Variants in FAT3 observed in about 807,000 individuals in gnomAD.
FAT3 encodes the protein FAT atypical cadherin 3, also known as protocadherin Fat 3.
A neutral mutation model predicts 310.2 loss-of-function variants in FAT3; 95 were observed. The observed-to-expected ratio is 0.31, with a 90% confidence interval of 0.26 to 0.36. FAT3 has a LOEUF of 0.36. Ranked by LOEUF, FAT3 falls within the 10% of genes least tolerant of loss-of-function variation. The pLI, the probability that FAT3 is intolerant of heterozygous loss-of-function variation, is 1.00. For synonymous variants in FAT3, 2,314 were observed against 2,192.9 expected (o/e 1.06, Z -1.54); for missense variants, 5,408 against 5,715.6 (o/e 0.95, Z 1.74).
At chr11:92,276,139 T>C (rs1351050697) in intron 1 of FAT3, among the ~76,000 whole-genome samples, 4 of 152,152 alleles carry the variant, frequency 2.6e-5, no homozygotes, top group African/African-American at 9.7e-5. Context: ...CAAAATATTT[T>C]CTTTAGCACA....
intron 3 of FAT3, among the ~76,000 whole-genome samples, chr11:92,604,028 G>A (rs1940158306): frequency 6.6e-6 from 1 of 152,166 alleles, no homozygotes; most frequent in Non-Finnish European, 1.5e-5. Flanking sequence ...CACCAACACA[G>A]CTTTCATTTG....
intron 2 of FAT3, among the ~76,000 whole-genome samples, chr11:92,397,776 G>A (rs1321054131): frequency 6.9e-6 from 1 of 145,010 alleles, no homozygotes; most frequent in Non-Finnish European, 1.5e-5. Flanking sequence ...TTTTTTGCCT[G>A]CCTTCTGTCT....
intron 2 of FAT3, among the ~76,000 whole-genome samples, chr11:92,501,189 A>T (rs892160704): frequency 1.3e-5 from 2 of 151,998 alleles, no homozygotes; most frequent in African/African-American, 4.8e-5. Flanking sequence ...TAACCATCAA[A>T]CTAGAAAGTC....
rs376541557 is a variant in FAT3 at position 92,844,388 on chromosome 11, G to A, written c.11021G>A (p.Arg3674Gln). 3.7e-5 allele frequency: 59 copies of A among 1,613,896 alleles called. No individual in the cohort carries two copies. In the South Asian group the frequency reaches 5.3e-4, roughly 14 times the overall value. The change falls in exon 19 of 28, where the codon CGG becomes CAG. Residue 3674 changes from arginine (R) to glutamine (Q), a missense_variant. Coordinates refer to ENST00000525166, the MANE Select transcript of FAT3 (RefSeq NM_001367949.2). ...LHMHGFRRTL[R>Q]NAVLTQKQDS... is the part of the protein sequence containing the mutation. Reference sequence around the variant, plus strand: ...ATGCATGGGTTCCGGCGCACCCTGCGGAATGCAGTCCTCACCCAGAAGCAG... The same window carrying A: ...ATGCATGGGTTCCGGCGCACCCTGCAGAATGCAGTCCTCACCCAGAAGCAG...
chr11:92,276,675 G>A (rs1282394412), intron 1 of FAT3, among the ~76,000 whole-genome samples: 4 of 152,276 alleles, frequency 2.6e-5, no homozygotes, highest in South Asian at 2.1e-4. Flanking sequence ...ACAATCTGTA[G>A]TGGGGAGTCA....
At chr11:92,879,932 G>A (rs750313978) in intron 22 of FAT3, among the ~76,000 whole-genome samples, 2 of 151,950 alleles carry the variant, frequency 1.3e-5, no homozygotes, top group East Asian at 1.9e-4. Context: ...ATGTATATCT[G>A]TAATTTAAAA....
intron 2 of FAT3, among the ~76,000 whole-genome samples, chr11:92,413,578 G>A (rs1019843229): frequency 1.3e-5 from 2 of 152,138 alleles, no homozygotes; most frequent in African/African-American, 4.8e-5. Flanking sequence ...AGTTTTGAGA[G>A]CTTCCTCTGT....
intron 4 of FAT3, among the ~76,000 whole-genome samples, chr11:92,741,779 T>C (rs1945517100): frequency 6.6e-6 from 1 of 152,204 alleles, no homozygotes; most frequent in African/African-American, 2.4e-5. Context: ...AATTTTATTA[T>C]GTGTAAAGAA....
intron 12 of FAT3, among the ~76,000 whole-genome samples, chr11:92,808,124 C>CGCT (rs1947559858): frequency 6.6e-6 from 1 of 152,074 alleles, no homozygotes; most frequent in Admixed American, 6.5e-5. Flanking sequence ...ATTGAGTAGC[C>CGCT]AGTAGACATA....
chr11:92,227,606 T>C (rs1180920798), intron 1 of FAT3, among the ~76,000 whole-genome samples: 1 of 152,054 alleles, frequency 6.6e-6, no homozygotes, highest in South Asian at 2.1e-4. Context: ...GATGTTCTGG[T>C]GTGACGTGGA....
intron 7 of FAT3, among the ~76,000 whole-genome samples, chr11:92,786,697 A>T (rs993331361): frequency 6.6e-6 from 1 of 152,162 alleles, no homozygotes; most frequent in Non-Finnish European, 1.5e-5. Context: ...ATATGGAAAC[A>T]TATATAATAA....
chr11:92,457,193 T>A (rs1951514244), intron 2 of FAT3, among the ~76,000 whole-genome samples: 1 of 152,174 alleles, frequency 6.6e-6, no homozygotes, highest in Non-Finnish European at 1.5e-5. Context: ...TCTTTAATCG[T>A]GATTCTATGA....
chr11:92,574,551 C>T (rs925272664), intron 3 of FAT3, among the ~76,000 whole-genome samples: 13 of 152,072 alleles, frequency 8.5e-5, no homozygotes, highest in African/African-American at 2.9e-4. Flanking sequence ...ACTCACCAGT[C>T]CCCATAACAG....
intron 1 of FAT3, among the ~76,000 whole-genome samples, chr11:92,342,407 G>A (rs776491835): frequency 1.3e-5 from 2 of 152,086 alleles, no homozygotes; most frequent in Admixed American, 6.6e-5. Context: ...CGTATCTTCC[G>A]ATTTTACTTT....
chr11:92,879,451 C>G (rs187939861), intron 22 of FAT3, among the ~76,000 whole-genome samples: 101 of 152,168 alleles, frequency 6.6e-4, no homozygotes, highest in African/African-American at 2.2e-3. Context: ...TCGGAGAGAC[C>G]GGGTTGGTGA....
intron 3 of FAT3, among the ~76,000 whole-genome samples, chr11:92,536,365 G>T (rs1251777316): frequency 6.6e-6 from 1 of 152,136 alleles, no homozygotes; most frequent in Non-Finnish European, 1.5e-5. Flanking sequence ...AAGCTAGATG[G>T]AGTAGTAATC....
rs187504001 is a variant in FAT3 at position 92,672,957 on chromosome 11, G to T, written c.3608-24427G>T. ...TGTAAGGAGAATTCAGGTAGAGGTT[G>T]GTTGACCATCTGGTAGTGATATTGC... On this transcript the variant is annotated intron_variant, in intron 3 of 27. Coordinates refer to ENST00000525166, the MANE Select transcript of FAT3 (RefSeq NM_001367949.2). Among the ~76,000 whole-genome samples the T allele has an allele frequency of 1.9e-3, 291 of 152,280 alleles. 1 individual carries two copies. The highest frequency in any genetic ancestry group is 6.4e-3 in the African/African-American group (266 of 41,558).
rs377430718 is a variant in FAT3 at position 92,774,046 on chromosome 11, A to T, written c.4201A>T (p.Asn1401Tyr). ...TPLWFDIVGG[N>Y]FDSAFDAEKG... is the part of the protein sequence containing the mutation. ...TGTTTCTGTGAAATCATCAGGGGGGAATTTTGACAGCGCTTTTGATGCAGA... is the reference window on the plus strand; with the variant it reads ...TGTTTCTGTGAAATCATCAGGGGGGTATTTTGACAGCGCTTTTGATGCAGA... The change falls in exon 7 of 28, where the codon AAT becomes TAT. Residue 1401 changes from asparagine (N) to tyrosine (Y), a missense_variant. This residue lies in a region of FAT3 where 4,588 missense variants were observed against 4,809.8 expected (regional missense o/e 0.95). Coordinates refer to ENST00000525166, the MANE Select transcript of FAT3 (RefSeq NM_001367949.2). 4 of 1,612,486 alleles carry T rather than the reference A, an allele frequency of 2.5e-6. No homozygotes were observed. The highest frequency in any genetic ancestry group is 3.4e-6 in the Non-Finnish European group (4 of 1,179,410).
At chr11:92,258,037 T>A (rs1240718305) in intron 1 of FAT3, among the ~76,000 whole-genome samples, 2 of 152,140 alleles carry the variant, frequency 1.3e-5, no homozygotes, top group Non-Finnish European at 2.9e-5. Context: ...TCCCAATACA[T>A]GTTCTGTTTT....
Sources: allele counts gnomAD v4.1 joint callset (sites outside exome capture counted in the v4.1 genomes callset), GRCh38; gene constraint gnomAD v4.1.1; regional missense constraint gnomAD v4.1.1; transcripts MANE v1.5; gene names NCBI Gene and HGNC (gene_info 2026-07-23, HGNC 2026-07-21).